Variants in ERN2 observed in about 807,000 individuals in gnomAD.
The protein encoded by ERN2 is serine/threonine-protein kinase/endoribonuclease IRE2.
ERN2 carries 111 observed loss-of-function variants against 107.9 expected under a neutral mutation model. The observed-to-expected ratio is 1.03, with a 90% CI of 0.88 to 1.20. The LOEUF (loss-of-function observed/expected upper bound fraction) is 1.20. ERN2 is among the 50% of genes most tolerant of loss of function. ERN2 has a pLI of 0.00. For missense variants in ERN2, 1,225 were observed against 1,197.9 expected, an observed-to-expected ratio of 1.02 and a Z score of -0.33; for synonymous variants, 524 against 501.7, an observed-to-expected ratio of 1.04 and a Z score of -0.59.
intron 7 of ERN2, 91 bp downstream of exon 7, chr16:23,706,239 A>G (rs1283129009): frequency 1.1e-6 from 1 of 900,444 alleles, no homozygotes; most frequent in South Asian, 1.8e-5. Context: ...GTGGGTCGAA[A>G]TGTGGCTGGG....
chr16:23,712,009 T>G (rs1458879509), intron 1 of ERN2: 1 of 453,600 alleles, frequency 2.2e-6, no homozygotes, highest in Non-Finnish European at 4.4e-6. Flanking sequence ...CTCCAGTCCC[T>G]CCTTGAGCAA....
chr16:23,710,110 C>A, intron 4 of ERN2, 62 bp downstream of exon 4: 1 of 1,139,992 alleles, frequency 8.8e-7, no homozygotes, highest in Non-Finnish European at 1.3e-6. Flanking sequence ...CTCCACCTCT[C>A]AGTGCTCCAG....
At chr16:23,691,851 A>T in intron 19 of ERN2, 112 bp downstream of exon 19, 1 of 1,410,560 alleles carries the variant, frequency 7.1e-7, no homozygotes, top group Non-Finnish European at 9.6e-7. Flanking sequence ...CCAGGCTCCC[A>T]GGACCAGGTA....
At position 23,706,363 on chromosome 16, in the gene ERN2, A is replaced by C. The variant is rs763331302; in HGVS notation, c.556T>G (p.Ser186Ala). The part of the protein sequence containing the change: ...LRWNTTYRRY[S>A]APPMDGSPGK... ...GGTGAGCCATCCATGGGGGGCGCTG[A>C]GTAGCGGCGGTAGGTGGTGTTCCAG... is the stretch of plus-strand genomic sequence containing the variant. The change falls in exon 7 of 22, where the codon TCA (serine) becomes GCA (alanine). Residue 186 changes from serine (S) to alanine (A), a missense_variant. Physicochemically the swap from Ser to Ala is moderately conservative, Grantham distance 99. Coordinates refer to ENST00000256797, the MANE Select transcript of ERN2 (RefSeq NM_033266.4). 1.3e-5 allele frequency: 21 copies of C among 1,566,064 alleles called. No individual in the cohort carries two copies. The Admixed American group carries it at 3.9e-4, about 29-fold the overall frequency.
intron 19 of ERN2, 34 bp downstream of exon 19, chr16:23,691,929 C>T (rs774520340): frequency 2.5e-6 from 4 of 1,602,644 alleles, no homozygotes; most frequent in Non-Finnish European, 1.7e-6. Context: ...AAACTTAGGA[C>T]TTTTGGGGGC....
intron 5 of ERN2, 28 bp from the exon 6 acceptor site, chr16:23,706,889 T>A (rs1372238527): frequency 6.3e-7 from 1 of 1,597,432 alleles, no homozygotes; most frequent in African/African-American, 1.3e-5. Flanking sequence ...GTGTTAGCTC[T>A]CAAGTTGGCA....
intron 17 of ERN2, among the ~76,000 whole-genome samples, chr16:23,694,279 G>A (rs1340577383): frequency 3.9e-5 from 6 of 152,194 alleles, no homozygotes; most frequent in Non-Finnish European, 8.8e-5. Flanking sequence ...TTACAGGCGT[G>A]AGCCACCGCA....
In ERN2 at chr16:23,702,636, T is replaced by C. The variant is rs751071114; in HGVS notation, c.921A>G (p.Gly307=). Residue 307 remains glycine (G), a synonymous_variant, in exon 9 of 22, where the codon GGA becomes GGG. Coordinates refer to ENST00000256797, the MANE Select transcript of ERN2 (RefSeq NM_033266.4). ...GACCACTTCTTACCACCAGGGCCAC[T>C]CCTGTGTGGACCAGTGCTTTAGAGA... ...FYVSKALVHT[G]VALVPRGLTL... 8.4e-5 allele frequency: 135 copies of C among 1,614,038 alleles called. No individual in the cohort carries two copies. In the Admixed American group the frequency reaches 2.2e-3, roughly 26 times the overall value.
intron 12 of ERN2, 90 bp downstream of exon 12, chr16:23,700,869 C>G (rs1597149271): frequency 6.7e-7 from 1 of 1,503,398 alleles, no homozygotes; most frequent in East Asian, 2.3e-5. Flanking sequence ...AAAATCAGAG[C>G]TGGGTAGAGG....
rs768360632 is a variant in ERN2 at position 23,705,093 on chromosome 16, C to A, written c.644G>T (p.Gly215Val). ...GMGLLLTVDP[G>V]SGTVLWTQDL... is the part of the protein sequence containing the mutation. ...CTGTGTCCACAGCACCGTCCCGCTT[C>A]CTGGGTCCACAGTGAGCAGCAGGCC... The change falls in exon 8 of 22, where the codon GGA (glycine) becomes GTA (valine). Residue 215 changes from glycine to valine, a missense_variant. Coordinates refer to ENST00000256797, the MANE Select transcript of ERN2 (RefSeq NM_033266.4). 3.1e-6 allele frequency: 5 copies of A among 1,613,976 alleles called. No individual in the cohort carries two copies. The highest frequency in any genetic ancestry group is 1.7e-4 in the Middle Eastern group (1 of 6,058).
At chr16:23,713,006 C>A (rs1010781896) in intron 1 of ERN2, 89 bp downstream of exon 1, 10 of 1,032,124 alleles carry the variant, frequency 9.7e-6, no homozygotes, top group Non-Finnish European at 1.1e-5. Context: ...GCCCCCGTGG[C>A]CCCGCCGCGC....
intron 1 of ERN2, 123 bp from the exon 2 acceptor site, chr16:23,711,141 G>A: frequency 1.6e-6 from 1 of 643,212 alleles, no homozygotes; most frequent in East Asian, 2.7e-5. Flanking sequence ...GGGGAGGAAG[G>A]GTGATTGGGG....
intron 4 of ERN2, among the ~76,000 whole-genome samples, chr16:23,708,215 A>T (rs1415163102): frequency 6.6e-6 from 1 of 152,038 alleles, no homozygotes; most frequent in Non-Finnish European, 1.5e-5. Context: ...AAACCAAAGG[A>T]TACTGCATGA....
Position 23,692,061 on chromosome 16 carries a change from C to T in ERN2, c.2278G>A (p.Ala760Thr), listed in dbSNP as rs201027621. 7 of 1,613,828 alleles carry T rather than the reference C, an allele frequency of 4.3e-6. No individual in the cohort carries two copies. The highest frequency in any genetic ancestry group is 1.1e-5 in the South Asian group (1 of 91,084). Residue 760 changes from alanine (A) to threonine (T), a missense_variant, in exon 19 of 22, where the codon GCC becomes ACC. By Grantham distance (58) the Ala-to-Thr change is moderately conservative. Coordinates refer to ENST00000256797, the MANE Select transcript of ERN2 (RefSeq NM_033266.4). Reference sequence around the variant, plus strand: ...GGCTGCGGCAGTGGGCTCAACATGGCTCCAACCAGGTCCCGGGCAACCACC... The same window carrying T: ...GGCTGCGGCAGTGGGCTCAACATGGTTCCAACCAGGTCCCGGGCAACCACC... ...DKVVARDLVGAMLSPLPQPRP... is the reference protein window; with the variant it reads ...DKVVARDLVGTMLSPLPQPRP...
rs1314984789 is a variant in ERN2 at position 23,710,431 on chromosome 16, G to A, written c.233+85C>T. ...CTTCCCTTACTTCCAACATGTCCCT[G>A]CCCCACATACAAACTCTCTCCAGAC... On this transcript the variant is annotated intron_variant, in intron 3 of 21. Coordinates refer to ENST00000256797, the MANE Select transcript of ERN2 (RefSeq NM_033266.4). 1.8e-5 allele frequency: 25 copies of A among 1,426,024 alleles called. No individual in the cohort carries two copies. In the East Asian group the frequency reaches 5.2e-4, roughly 30 times the overall value. The allele number at this position is 1,426,024 out of a possible 1,614,324, so 88.3% of individuals were successfully genotyped here.
intron 8 of ERN2, among the ~76,000 whole-genome samples, chr16:23,703,487 G>T (rs774820107): frequency 6.6e-6 from 1 of 152,152 alleles, no homozygotes. Flanking sequence ...CTAGTATAAA[G>T]TATCTTCATT....
intron 11 of ERN2, 21 bp downstream of exon 11, chr16:23,702,131 C>A (rs369359077): frequency 3.0e-5 from 48 of 1,604,880 alleles, no homozygotes; most frequent in Non-Finnish European, 3.8e-5. Flanking sequence ...TACCCCCACT[C>A]TCTCCCCTCC....
At chr16:23,700,337 C>CA (rs540553698) in intron 13 of ERN2, among the ~76,000 whole-genome samples, 4 of 151,848 alleles carry the variant, frequency 2.6e-5, no homozygotes, top group African/African-American at 7.2e-5. Flanking sequence ...ATCCTGTCTC[C>CA]AAAAAAATAA....
At chr16:23,705,537 C>T (rs906466951) in intron 7 of ERN2, among the ~76,000 whole-genome samples, 4 of 151,902 alleles carry the variant, frequency 2.6e-5, no homozygotes, top group African/African-American at 9.7e-5. Flanking sequence ...TGTAGGGTCT[C>T]ATGCAGAATG....
Sources: allele counts gnomAD v4.1 joint callset (sites outside exome capture counted in the v4.1 genomes callset), GRCh38; gene constraint gnomAD v4.1.1; transcripts MANE v1.5; gene names NCBI Gene and HGNC (gene_info 2026-07-23, HGNC 2026-07-21).